ROBO2: variants seen among roughly 807,000 people sequenced by gnomAD.
The protein encoded by ROBO2 is roundabout homolog 2.
A neutral mutation model predicts 160.8 loss-of-function variants in ROBO2; 53 were observed. The ratio of observed to expected loss-of-function variants is 0.33; its 90% confidence interval spans 0.26 to 0.41. The LOEUF is 0.41. Among genes scored for constraint, ROBO2 ranks in the 10% least tolerant of loss-of-function variants. The pLI, the probability that ROBO2 is intolerant of heterozygous loss-of-function variation, is 1.00. For synonymous variants in ROBO2, 664 were observed against 611.7 expected, an observed-to-expected ratio of 1.09 and a Z score of -1.26; for missense variants, 1,577 against 1,722.4, an observed-to-expected ratio of 0.92 and a Z score of 1.49.
chr3:77,048,463 A>G (rs1301649279), intron 1 of ROBO2, among the ~76,000 whole-genome samples: 1 of 152,190 alleles, frequency 6.6e-6, no homozygotes, highest in Non-Finnish European at 1.5e-5. Flanking sequence ...ACAAATGGCA[A>G]TTTGTTAGCA....
intron 2 of ROBO2, among the ~76,000 whole-genome samples, chr3:76,375,152 A>C (rs1394955773): frequency 6.6e-6 from 1 of 151,876 alleles, no homozygotes; most frequent in Non-Finnish European, 1.5e-5. Context: ...TTTCAGTAAA[A>C]CTGTGAGACT....
chr3:76,864,559 A>G (rs1225709781), intron 2 of ROBO2, among the ~76,000 whole-genome samples: 6 of 152,026 alleles, frequency 3.9e-5, no homozygotes, highest in African/African-American at 1.2e-4. Context: ...TACTCCCAGC[A>G]TGTGCCTTTA....
chr3:77,073,851 G>A (rs2067664860), intron 1 of ROBO2, among the ~76,000 whole-genome samples: 1 of 152,164 alleles, frequency 6.6e-6, no homozygotes. Flanking sequence ...CTCTACCCTT[G>A]AACGTGGAAT....
chr3:77,241,043 G>A (rs2088960647), intron 2 of ROBO2, among the ~76,000 whole-genome samples: 2 of 152,048 alleles, frequency 1.3e-5, no homozygotes, highest in Non-Finnish European at 2.9e-5. Context: ...AATAGAAGTA[G>A]TTCACAAACT....
At chr3:76,961,248 A>G (rs113097630) in intron 2 of ROBO2, among the ~76,000 whole-genome samples, 69 of 105,710 alleles carry the variant, frequency 6.5e-4, no homozygotes, top group African/African-American at 4.2e-3. Flanking sequence ...TGCCACAGAG[A>G]AAAAAAAAAA....
intron 2 of ROBO2, among the ~76,000 whole-genome samples, chr3:77,378,226 G>A (rs944946213): frequency 1.3e-5 from 2 of 152,080 alleles, no homozygotes; most frequent in African/African-American, 4.8e-5. Flanking sequence ...GGTAAGTATC[G>A]TTCTCCCTAA....
chr3:77,253,918 A>G (rs1206337954), intron 2 of ROBO2, among the ~76,000 whole-genome samples: 1 of 152,224 alleles, frequency 6.6e-6, no homozygotes, highest in East Asian at 1.9e-4. Context: ...AATAATAAAG[A>G]AAAAGGGTAT....
At chr3:77,199,167 T>G (rs1052857060) in intron 2 of ROBO2, among the ~76,000 whole-genome samples, 1 of 152,226 alleles carries the variant, frequency 6.6e-6, no homozygotes, top group East Asian at 1.9e-4. Context: ...TTTTATCATC[T>G]CATGCAAGAT....
At chr3:76,991,011 A>G in intron 2 of ROBO2, among the ~76,000 whole-genome samples, 1 of 152,192 alleles carries the variant, frequency 6.6e-6, no homozygotes, top group East Asian at 1.9e-4. Context: ...TGTAAAACCC[A>G]GGTCAGAAGG....
At chr3:76,748,105 C>T (rs1468523727) in intron 2 of ROBO2, among the ~76,000 whole-genome samples, 1 of 151,860 alleles carries the variant, frequency 6.6e-6, no homozygotes, top group Non-Finnish European at 1.5e-5. Flanking sequence ...CCTATTCATC[C>T]CATTCATTAT....
At chr3:76,492,389 TTC>T (rs1372144590) in intron 2 of ROBO2, among the ~76,000 whole-genome samples, 4 of 152,152 alleles carry the variant, frequency 2.6e-5, no homozygotes, top group Non-Finnish European at 4.4e-5. Flanking sequence ...ACCATGCATG[TTC>T]TCTCATAGAC....
chr3:76,996,238 G>A (rs1436970254), intron 2 of ROBO2, among the ~76,000 whole-genome samples: 1 of 152,088 alleles, frequency 6.6e-6, no homozygotes. Flanking sequence ...TTTTTGTCAG[G>A]TGTGTCAAAG....
At chr3:76,361,069 T>C (rs1019944540) in intron 2 of ROBO2, among the ~76,000 whole-genome samples, 1 of 152,146 alleles carries the variant, frequency 6.6e-6, no homozygotes, top group African/African-American at 2.4e-5. Context: ...GTAATTTTTT[T>C]CATGTAATGA....
At chr3:76,429,817 T>C (rs2076364781) in intron 2 of ROBO2, among the ~76,000 whole-genome samples, 1 of 152,204 alleles carries the variant, frequency 6.6e-6, no homozygotes. Flanking sequence ...TCTGCTAACA[T>C]GGCATCTTGC....
In ROBO2 at chr3:76,633,033, G is replaced by C. The variant is rs143130769; in HGVS notation, c.110-464981G>C. Among the ~76,000 whole-genome samples the C allele has an allele frequency of 3.1e-3, 467 of 152,314 alleles. 4 individuals carry two copies. The highest frequency in any genetic ancestry group is 0.011 in the African/African-American group (455 of 41,574). ...ATTACTTGATTAGCCTACAGGGAAAGATGTCACAACATGTTTACAGGATTA... is the reference window on the plus strand; with the variant it reads ...ATTACTTGATTAGCCTACAGGGAAACATGTCACAACATGTTTACAGGATTA... On this transcript the variant is annotated intron_variant, in intron 2 of 26. Coordinates refer to the ROBO2 transcript ENST00000487694.
intron 2 of ROBO2, among the ~76,000 whole-genome samples, chr3:77,217,539 G>A (rs1387863777): frequency 1.3e-5 from 2 of 152,152 alleles, no homozygotes; most frequent in African/African-American, 4.8e-5. Context: ...GCATGATGAT[G>A]TGTTTTTTGC....
chr3:77,220,192 A>G (rs1180875691), intron 2 of ROBO2, among the ~76,000 whole-genome samples: 1 of 152,024 alleles, frequency 6.6e-6, no homozygotes, highest in Non-Finnish European at 1.5e-5. Flanking sequence ...TGTAATTTTT[A>G]GTACAGATAG....
chr3:76,371,204 G>T (rs1576731649), intron 2 of ROBO2, among the ~76,000 whole-genome samples: 1 of 152,068 alleles, frequency 6.6e-6, no homozygotes, highest in Admixed American at 6.6e-5. Flanking sequence ...AGTGCAAGAA[G>T]AAGTTTGCTT....
At chr3:77,458,618 A>G (rs901791839) in intron 2 of ROBO2, among the ~76,000 whole-genome samples, 2 of 151,900 alleles carry the variant, frequency 1.3e-5, no homozygotes, top group African/African-American at 4.8e-5. Flanking sequence ...AAAAAAAGGC[A>G]ATTGTACAGA....
Sources: allele counts gnomAD v4.1 joint callset (sites outside exome capture counted in the v4.1 genomes callset), GRCh38; gene constraint gnomAD v4.1.1; transcripts MANE v1.5; gene names NCBI Gene and HGNC (gene_info 2026-07-23, HGNC 2026-07-21).